The following CSMD1 variants were observed in gnomAD, a reference collection of about 807,000 sequenced individuals.
CSMD1 encodes the protein CUB and Sushi multiple domains 1.
Under a neutral mutation model 417.5 loss-of-function variants are expected in CSMD1, and 213 were observed. The observed-to-expected ratio is 0.51, with a 90% CI of 0.46 to 0.57. The LOEUF is 0.57. Among genes scored for constraint, CSMD1 ranks in the 20% least tolerant of loss-of-function variants. CSMD1 has a pLI of 0.00. For missense variants in CSMD1, 6,923 were observed against 4,529.7 expected, an observed-to-expected ratio of 1.53 and a Z score of -15.17; for synonymous variants, 2,862 against 1,736.8, an observed-to-expected ratio of 1.65 and a Z score of -16.11.
At chr8:3,732,849 T>G (rs555225631) in intron 6 of CSMD1, among the ~76,000 whole-genome samples, 4 of 152,274 alleles carry the variant, frequency 2.6e-5, no homozygotes, top group African/African-American at 7.2e-5. Flanking sequence ...AAGACTATTT[T>G]GAAATCTGTT....
At chr8:4,066,075 A>C (rs997517055) in intron 3 of CSMD1, among the ~76,000 whole-genome samples, 1 of 152,224 alleles carries the variant, frequency 6.6e-6, no homozygotes, top group East Asian at 1.9e-4. Context: ...TAGGTGGCTC[A>C]TTTACAAAAC....
intron 3 of CSMD1, among the ~76,000 whole-genome samples, chr8:4,222,397 CAGAATAAGAAGCTTCCATCTTATTCT>C (rs1563297255): frequency 3.9e-4 from 1 of 2,574 alleles, no homozygotes; most frequent in East Asian, 9.4e-3. Flanking sequence ...ATTCTGTAAA[CAGAATAAGAAGCTTCCATCTTATTCT>C]GTAAAGTGAG....
intron 65 of CSMD1, among the ~76,000 whole-genome samples, chr8:2,952,342 A>G (rs1313644913): frequency 6.6e-6 from 1 of 152,182 alleles, no homozygotes; most frequent in Non-Finnish European, 1.5e-5. Context: ...TATTGTTCCT[A>G]TACCCATGCT....
Position 4,563,982 on chromosome 8 carries a change from G to A in CSMD1, c.302+73360C>T, listed in dbSNP as rs76480903. 3.5e-3 allele frequency among the ~76,000 whole-genome samples: 534 copies of A among 152,284 alleles called. 3 individuals carry two copies. Among genetic ancestry groups the A allele is most frequent in the African/African-American group, 0.013 (520 of 41,562 alleles). On this transcript the variant is annotated intron_variant, in intron 2 of 69. Transcript: ENST00000635120. The stretch of plus-strand genomic sequence containing the variant: ...ATATTGTTTTAGCTGTTGAACATCT[G>A]CAGATTCCCAGGAAAATGAGGAGTT...
intron 12 of CSMD1, among the ~76,000 whole-genome samples, chr8:3,439,297 A>G (rs1221544240): frequency 8.1e-5 from 4 of 49,642 alleles, no homozygotes; most frequent in African/African-American, 5.5e-4. Flanking sequence ...ATATATATAT[A>G]TATATATATA....
intron 2 of CSMD1, among the ~76,000 whole-genome samples, chr8:4,594,063 C>G (rs949233648): frequency 1.3e-5 from 2 of 152,070 alleles, no homozygotes; most frequent in African/African-American, 2.4e-5. Context: ...TCTCCTCCAT[C>G]TTTACATGGC....
chr8:4,103,722 T>A (rs1435372189), intron 3 of CSMD1, among the ~76,000 whole-genome samples: 1 of 152,142 alleles, frequency 6.6e-6, no homozygotes, highest in Non-Finnish European at 1.5e-5. Context: ...AAGAGTTCCT[T>A]TATCCAAGAC....
intron 5 of CSMD1, among the ~76,000 whole-genome samples, chr8:3,914,461 A>C (rs763381337): frequency 6.6e-6 from 1 of 152,174 alleles, no homozygotes; most frequent in Non-Finnish European, 1.5e-5. Flanking sequence ...GCTAATTATT[A>C]TTATATCATG....
At chr8:4,847,930 G>A (rs1193583726) in intron 1 of CSMD1, among the ~76,000 whole-genome samples, 3 of 152,012 alleles carry the variant, frequency 2.0e-5, no homozygotes, top group Admixed American at 6.6e-5. Context: ...ATGAAACCCT[G>A]TACCCTTTAG....
intron 2 of CSMD1, among the ~76,000 whole-genome samples, chr8:4,428,942 G>A (rs930718341): frequency 6.6e-6 from 1 of 152,010 alleles, no homozygotes; most frequent in African/African-American, 2.4e-5. Context: ...TCAGATTCCT[G>A]ACTTGAAGTG....
chr8:3,679,119 G>T (rs547851465), intron 7 of CSMD1, among the ~76,000 whole-genome samples: 1 of 152,068 alleles, frequency 6.6e-6, no homozygotes. Flanking sequence ...GAAGAAAACT[G>T]TATCAACTAA....
chr8:4,758,446 G>A (rs1383812455), intron 1 of CSMD1, among the ~76,000 whole-genome samples: 1 of 152,164 alleles, frequency 6.6e-6, no homozygotes, highest in Non-Finnish European at 1.5e-5. Flanking sequence ...GTGACATAAA[G>A]GAAGCGTGAG....
intron 3 of CSMD1, among the ~76,000 whole-genome samples, chr8:4,228,093 T>G (rs576391523): frequency 6.8e-6 from 1 of 147,010 alleles, no homozygotes; most frequent in Non-Finnish European, 1.5e-5. Flanking sequence ...GGAGACACAC[T>G]CTCTATCCTT....
chr8:4,042,398 C>A (rs1043000426), intron 3 of CSMD1, among the ~76,000 whole-genome samples: 1 of 151,976 alleles, frequency 6.6e-6, no homozygotes, highest in Non-Finnish European at 1.5e-5. Flanking sequence ...ATAGGAAGTA[C>A]TGAAATAACG....
chr8:3,168,371 T>C (rs1563104807), intron 37 of CSMD1, among the ~76,000 whole-genome samples: 2 of 152,186 alleles, frequency 1.3e-5, no homozygotes, highest in African/African-American at 4.8e-5. Flanking sequence ...TTTTTCTAGA[T>C]GCGCACAGGT....
At chr8:4,487,547 T>C (rs944553686) in intron 2 of CSMD1, among the ~76,000 whole-genome samples, 4 of 152,222 alleles carry the variant, frequency 2.6e-5, no homozygotes, top group African/African-American at 7.2e-5. Flanking sequence ...TGCCACATTT[T>C]CTTAATCCAG....
chr8:4,708,700 C>A (rs1808100486), intron 1 of CSMD1, among the ~76,000 whole-genome samples: 2 of 151,916 alleles, frequency 1.3e-5, no homozygotes, highest in Non-Finnish European at 2.9e-5. Context: ...GAAAGATTTC[C>A]CAACTGTGGC....
At chr8:3,140,472 G>T (rs775055537) in intron 41 of CSMD1, among the ~76,000 whole-genome samples, 1 of 152,162 alleles carries the variant, frequency 6.6e-6, no homozygotes, top group Non-Finnish European at 1.5e-5. Context: ...ATAGAAAAAT[G>T]CTGGCAATGT....
intron 7 of CSMD1, among the ~76,000 whole-genome samples, chr8:3,639,012 G>C (rs1032191682): frequency 6.6e-6 from 1 of 152,186 alleles, no homozygotes; most frequent in Non-Finnish European, 1.5e-5. Context: ...CTGAAGTTGT[G>C]AGTGAATATT....
Sources: allele counts gnomAD v4.1 joint callset (sites outside exome capture counted in the v4.1 genomes callset), GRCh38; gene constraint gnomAD v4.1.1; transcripts MANE v1.5; gene names NCBI Gene and HGNC (gene_info 2026-07-23, HGNC 2026-07-21).